The following DYSF variants were observed in gnomAD, a reference collection of about 807,000 sequenced individuals.
DYSF encodes dystrophy-associated fer-1-like 1.
A neutral mutation model predicts 274.9 loss-of-function variants in DYSF; 212 were observed. The observed-to-expected ratio is 0.77, with a 90% CI of 0.69 to 0.86. The LOEUF (loss-of-function observed/expected upper bound fraction) is 0.86, where lower values mean the gene tolerates loss of function less well. Ranked by LOEUF, DYSF falls within the 40% of genes least tolerant of loss-of-function variation. DYSF has a pLI of 0.00. For missense variants in DYSF, 2,666 were observed against 2,783.2 expected, an observed-to-expected ratio of 0.96 and a Z score of 0.95; for synonymous variants, 1,091 against 1,078.7, an observed-to-expected ratio of 1.01 and a Z score of -0.22.
chr2:71,606,809 C>T (rs781164655), intron 36 of DYSF, among the ~76,000 whole-genome samples: 9 of 152,092 alleles, frequency 5.9e-5, no homozygotes, highest in Admixed American at 1.3e-4. Context: ...GTAAAGAAAG[C>T]CCATTGAACC....
chr2:71,643,838 C>A (rs72904631), intron 41 of DYSF, 127 bp from the exon 42 acceptor site: 4 of 746,702 alleles, frequency 5.4e-6, no homozygotes, highest in African/African-American at 3.5e-5. Context: ...TCTGCTCCCC[C>A]ACATCACCCT....
At chr2:71,603,907 C>T (rs1467473034) in intron 36 of DYSF, among the ~76,000 whole-genome samples, 3 of 152,218 alleles carry the variant, frequency 2.0e-5, no homozygotes, top group Admixed American at 1.3e-4. Context: ...ACAGTGAAGG[C>T]TCAGATTCCG....
chr2:71,613,225 G>T, intron 39 of DYSF, 109 bp from the exon 40 acceptor site: 2 of 922,816 alleles, frequency 2.2e-6, no homozygotes, highest in South Asian at 2.8e-5. Flanking sequence ...GAGAAATGTG[G>T]AGAGACTGCA....
Position 71,667,486 on chromosome 2 carries a change from T to C in DYSF, c.5428T>C (p.Tyr1810His), listed in dbSNP as rs764207892. The C allele has an allele frequency of 1.2e-6, 2 of 1,614,132 alleles. No individual in the cohort carries two copies. Among genetic ancestry groups the C allele is most frequent in the South Asian group, 2.2e-5 (2 of 91,080 alleles). ...VPEHVESRPL[Y>H]SPLQPDIEQG... ...GGAGCACGTGGAGTCACGGCCCCTC[T>C]ACAGCCCCCTGCAGCCAGACATCGA... The change falls in exon 48 of 56, where the codon TAC becomes CAC. Residue 1810 changes from tyrosine (Y) to histidine (H), a missense_variant. Around this residue, in one of 3 missense-constraint regions of DYSF, gnomAD observed 1,460 missense variants for 1,502.1 expected, o/e 0.97. Transcript: ENST00000410020.
chr2:71,579,402 A>G (rs971427416), intron 30 of DYSF, among the ~76,000 whole-genome samples: 2 of 151,832 alleles, frequency 1.3e-5, no homozygotes, highest in African/African-American at 4.8e-5. Context: ...AGAAACTTTC[A>G]TTTTCTAAAG....
At chr2:71,544,279 T>C (rs2090278153) in intron 17 of DYSF, among the ~76,000 whole-genome samples, 1 of 152,202 alleles carries the variant, frequency 6.6e-6, no homozygotes, top group East Asian at 1.9e-4. Context: ...GGTCTTTCTC[T>C]GTCCATCCAT....
Position 71,493,062 on chromosome 2 carries a change from T to A in DYSF, c.240-10152T>A, listed in dbSNP as rs2084008986. On this transcript the variant is annotated intron_variant, in intron 3 of 55. Transcript: ENST00000410020. The stretch of plus-strand genomic sequence containing the variant: ...TCGTCTGGCTAATTTAATATATATA[T>A]TTTTTTTGTAGAGACAGGGTCTCAC... Among the ~76,000 whole-genome samples the A allele has an allele frequency of 1.4e-4, 7 of 50,810 alleles. No individual in the cohort carries two copies. The Admixed American group carries it at 1.8e-3, about 13-fold the overall frequency. The allele number at this position is 50,810 out of a possible 152,430, so 33.3% of individuals were successfully genotyped here.
intron 17 of DYSF, among the ~76,000 whole-genome samples, chr2:71,550,378 A>T (rs1481593352): frequency 6.6e-6 from 1 of 151,778 alleles, no homozygotes; most frequent in Non-Finnish European, 1.5e-5. Context: ...CTCTCCTCTG[A>T]CCTGCTCTGT....
chr2:71,527,614 A>G (rs1573754805), intron 13 of DYSF, among the ~76,000 whole-genome samples: 1 of 152,362 alleles, frequency 6.6e-6, no homozygotes, highest in East Asian at 1.9e-4. Flanking sequence ...TAGATGGGCA[A>G]ACAGATCATA....
At chr2:71,679,320 T>C (rs1421959508) in intron 53 of DYSF, 85 bp downstream of exon 53, 2 of 1,346,188 alleles carry the variant, frequency 1.5e-6, no homozygotes, top group East Asian at 2.5e-5. Flanking sequence ...CATCAGAAAA[T>C]ACATGCTTAC....
chr2:71,551,642 C>T lies in DYSF; in HGVS notation c.1728C>T (p.Leu576=). Residue 576 remains leucine, a synonymous_variant, in exon 19 of 56, where the codon CTC becomes CTT. Transcript: ENST00000410020. ...EGVAYRGRLL[L]SLETKLVEHS... ...TGGCTTATCGTGGCCGGCTTCTGCT[C>T]TCCCTGGAGACCAAGCTGGTGGAGC... The T allele has an allele frequency of 6.2e-7, 1 of 1,610,184 alleles. No homozygotes were observed.
Position 71,513,255 on chromosome 2 carries a change from G to T in DYSF, c.476G>T (p.Arg159Leu), listed in dbSNP as rs1419477197. The change falls in exon 6 of 56, where the codon CGG (arginine) becomes CTG (leucine). Residue 159 changes from arginine (R) to leucine (L), a missense_variant. Coordinates refer to ENST00000410020, the MANE Select transcript of DYSF (RefSeq NM_001130987.2). ...LDVVAGGGQSRAETWSLLSDS... is the reference protein window; with the variant it reads ...LDVVAGGGQSLAETWSLLSDS... ...CACAAGACAGGCGGGGGACAGAGCC[G>T]GGCCGAGACTTGGTCCCTGCTCAGT... 1 of 1,551,588 alleles carries T rather than the reference G, an allele frequency of 6.4e-7. No homozygotes were observed.
chr2:71,483,213 G>C (rs959374831), intron 3 of DYSF, among the ~76,000 whole-genome samples: 1 of 152,198 alleles, frequency 6.6e-6, no homozygotes, highest in Admixed American at 6.5e-5. Flanking sequence ...TGTGGGCCAG[G>C]GCATCTTGGG....
intron 42 of DYSF, among the ~76,000 whole-genome samples, chr2:71,652,198 G>A (rs1247488745): frequency 2.0e-5 from 3 of 152,278 alleles, no homozygotes; most frequent in African/African-American, 7.2e-5. Flanking sequence ...TGAAACACTA[G>A]GGCAGTCCTT....
chr2:71,645,210 C>T (rs1386501959), intron 42 of DYSF, among the ~76,000 whole-genome samples: 1 of 152,204 alleles, frequency 6.6e-6, no homozygotes, highest in East Asian at 1.9e-4. Flanking sequence ...CCTTGGTGTA[C>T]TGAAAGAATT....
intron 3 of DYSF, among the ~76,000 whole-genome samples, chr2:71,497,502 T>G (rs6749838): frequency 0.053 from 8,104 of 152,256 alleles, 279 homozygotes; most frequent in African/African-American, 0.11. Flanking sequence ...AAGGACATGT[T>G]TGCTTCCCCT....
intron 44 of DYSF, 139 bp downstream of exon 44, chr2:71,659,172 C>T: frequency 8.2e-7 from 1 of 1,224,054 alleles, no homozygotes; most frequent in Non-Finnish European, 1.2e-6. Context: ...TGAGAGGTGC[C>T]TGGATGGAGT....
intron 40 of DYSF, among the ~76,000 whole-genome samples, chr2:71,618,307 T>A (rs370140047): frequency 2.0e-4 from 4 of 20,418 alleles, no homozygotes; most frequent in Non-Finnish European, 3.6e-4. Flanking sequence ...GTAGAGGTGG[T>A]GTGTGTGTGT....
Position 71,481,931 on chromosome 2 carries a change from A to C in DYSF, c.200A>C (p.His67Pro). 1 of 1,614,074 alleles carries C rather than the reference A, an allele frequency of 6.2e-7. No individual in the cohort carries two copies. The highest frequency in any genetic ancestry group is 8.5e-7 in the Non-Finnish European group (1 of 1,180,002). Residue 67 changes from histidine to proline, a missense_variant, in exon 3 of 56, where the codon CAT becomes CCT. Transcript: ENST00000410020. ...CCCCTGGACCAGGGCTCTGAGCTTC[A>C]TGTGGTGGTCAAAGACCATGAGACG... is the stretch of plus-strand genomic sequence containing the variant. ...GIPLDQGSEL[H>P]VVVKDHETMG...
Sources: gnomAD v4.1 joint callset for allele counts (sites outside exome capture counted in the v4.1 genomes callset) on GRCh38, gnomAD v4.1.1 for gene constraint, gnomAD v4.1.1 regional missense constraint, MANE v1.5 for transcripts, NCBI Gene and HGNC (gene_info 2026-07-23, HGNC 2026-07-21) for gene names.